Variants in ZNF804B observed in about 807,000 individuals in gnomAD.
The protein encoded by ZNF804B is zinc finger protein 804B.
Under a neutral mutation model 101.4 loss-of-function variants are expected in ZNF804B, and 80 were observed. The observed-to-expected ratio is 0.79, with a 90% CI of 0.66 to 0.95. ZNF804B has a LOEUF of 0.95. Among genes scored for constraint, ZNF804B ranks in the 40% least tolerant of loss-of-function variants. The pLI is 0.00. For synonymous variants in ZNF804B, 622 were observed against 558.8 expected, an observed-to-expected ratio of 1.11 and a Z score of -1.59; for missense variants, 1,673 against 1,561.9, an observed-to-expected ratio of 1.07 and a Z score of -1.20.
At chr7:89,204,213 C>T (rs1788685571) in intron 1 of ZNF804B, among the ~76,000 whole-genome samples, 1 of 152,134 alleles carries the variant, frequency 6.6e-6, no homozygotes, top group African/African-American at 2.4e-5. Context: ...TGCATTTTTA[C>T]AATAAGTAGC....
chr7:88,819,011 A>G (rs1184736313), intron 1 of ZNF804B, among the ~76,000 whole-genome samples: 1 of 152,230 alleles, frequency 6.6e-6, no homozygotes, highest in African/African-American at 2.4e-5. Flanking sequence ...AATTTTCAGA[A>G]AAATACAGAT....
chr7:88,851,189 G>A (rs536057953), intron 1 of ZNF804B, among the ~76,000 whole-genome samples: 1 of 152,182 alleles, frequency 6.6e-6, no homozygotes, highest in South Asian at 2.1e-4. Context: ...TATAAATGAA[G>A]TGCCTGAAGA....
At chr7:89,255,837 A>T (rs1306884166) in intron 2 of ZNF804B, among the ~76,000 whole-genome samples, 1 of 152,156 alleles carries the variant, frequency 6.6e-6, no homozygotes, top group Admixed American at 6.5e-5. Context: ...TAGTATTCAG[A>T]CCATAAATCA....
At position 88,760,094 on chromosome 7, in the gene ZNF804B, G is replaced by A. The variant is rs145065922; in HGVS notation, c.108+10G>A. The A allele has an allele frequency of 1.7e-4, 274 of 1,607,410 alleles. No individual in the cohort carries two copies. In the African/African-American group the frequency reaches 3.0e-3, roughly 17 times the overall value. On this transcript the variant is annotated intron_variant, in intron 1 of 3. Transcript: ENST00000333190. ...CGGATCTCCCTCTCCGGTAATGTGC[G>A]CGCGCACACACATACATACACAAAC...
At chr7:89,265,696 C>T (rs1789782074) in intron 2 of ZNF804B, among the ~76,000 whole-genome samples, 1 of 152,064 alleles carries the variant, frequency 6.6e-6, no homozygotes, top group African/African-American at 2.4e-5. Context: ...AACAATTATT[C>T]AAAAAAATAG....
chr7:89,023,768 G>T, intron 1 of ZNF804B, among the ~76,000 whole-genome samples: 1 of 152,158 alleles, frequency 6.6e-6, no homozygotes, highest in East Asian at 1.9e-4. Flanking sequence ...TTTCATCTCT[G>T]TTCTTGATTC....
intron 1 of ZNF804B, among the ~76,000 whole-genome samples, chr7:88,974,257 T>C (rs1584048205): frequency 6.8e-6 from 1 of 147,154 alleles, no homozygotes; most frequent in East Asian, 2.2e-4. Context: ...TATATGAAAA[T>C]ATATCAGATA....
At chr7:88,863,985 G>A (rs1489934812) in intron 1 of ZNF804B, among the ~76,000 whole-genome samples, 2 of 152,186 alleles carry the variant, frequency 1.3e-5, no homozygotes, top group East Asian at 3.8e-4. Context: ...ACTCTGCTCA[G>A]CAGTTAATTC....
Position 89,336,267 on chromosome 7 carries a change from A to G in ZNF804B, c.3285A>G (p.Gln1095=). Residue 1095 remains glutamine, a synonymous_variant, in exon 4 of 4, where the codon CAA becomes CAG. Coordinates refer to ENST00000333190, the MANE Select transcript of ZNF804B (RefSeq NM_181646.5). ...ATTCAACAGAGACCCAAGAAGACCA[A>G]ATAAATCTAGACTTACAGGATGTAA... ...VTDSTETQED[Q]INLDLQDVSM... 6.2e-7 allele frequency: 1 copy of G among 1,613,888 alleles called. No individual in the cohort carries two copies. Among genetic ancestry groups the G allele is most frequent in the Admixed American group, 1.7e-5 (1 of 59,942 alleles).
At chr7:89,024,952 A>G (rs1788726860) in intron 1 of ZNF804B, among the ~76,000 whole-genome samples, 1 of 152,064 alleles carries the variant, frequency 6.6e-6, no homozygotes, top group Non-Finnish European at 1.5e-5. Flanking sequence ...ATGAGGACAG[A>G]TGAAAGCTTT....
intron 1 of ZNF804B, among the ~76,000 whole-genome samples, chr7:89,060,160 G>A (rs1057102034): frequency 1.3e-5 from 2 of 152,066 alleles, no homozygotes; most frequent in African/African-American, 4.8e-5. Flanking sequence ...CAGATAGCCT[G>A]TCATGGGACT....
intron 1 of ZNF804B, among the ~76,000 whole-genome samples, chr7:88,771,786 T>C (rs949736987): frequency 2.6e-5 from 4 of 152,194 alleles, no homozygotes; most frequent in Non-Finnish European, 5.9e-5. Flanking sequence ...CTGATCATCA[T>C]GTAGATTTAG....
intron 1 of ZNF804B, among the ~76,000 whole-genome samples, chr7:89,199,837 G>T (rs1788604598): frequency 6.7e-6 from 1 of 148,912 alleles, no homozygotes; most frequent in Admixed American, 6.7e-5. Flanking sequence ...CCATATATGT[G>T]TGTGTGTATA....
At chr7:89,310,753 A>G (rs998390152) in intron 2 of ZNF804B, among the ~76,000 whole-genome samples, 4 of 152,230 alleles carry the variant, frequency 2.6e-5, no homozygotes, top group African/African-American at 9.6e-5. Context: ...GAAATACAAG[A>G]CATTGCTCTT....
intron 1 of ZNF804B, among the ~76,000 whole-genome samples, chr7:88,954,195 C>G (rs1054546374): frequency 6.6e-6 from 1 of 151,580 alleles, no homozygotes; most frequent in South Asian, 2.1e-4. Flanking sequence ...TTTAATTTAA[C>G]TGCATTGTTA....
At chr7:89,104,223 A>G (rs933829794) in intron 1 of ZNF804B, among the ~76,000 whole-genome samples, 1 of 151,720 alleles carries the variant, frequency 6.6e-6, no homozygotes, top group African/African-American at 2.4e-5. Context: ...GCCTGATTTT[A>G]CTATTAGGGT....
intron 1 of ZNF804B, among the ~76,000 whole-genome samples, chr7:89,166,873 C>T (rs921560589): frequency 5.3e-5 from 8 of 152,248 alleles, no homozygotes; most frequent in African/African-American, 1.2e-4. Flanking sequence ...GCAGTATGTA[C>T]GTACCACAGT....
intron 1 of ZNF804B, among the ~76,000 whole-genome samples, chr7:89,051,521 A>G (rs1449785039): frequency 6.6e-6 from 1 of 152,100 alleles, no homozygotes. Context: ...TTTACCATTC[A>G]AGCTTCTGAG....
intron 1 of ZNF804B, among the ~76,000 whole-genome samples, chr7:89,056,945 G>A (rs758307380): frequency 1.2e-4 from 19 of 152,080 alleles, no homozygotes; most frequent in Non-Finnish European, 1.9e-4. Flanking sequence ...TAAAGGTTTT[G>A]GAGTGGGCTA....
Sources: allele counts gnomAD v4.1 joint callset (sites outside exome capture counted in the v4.1 genomes callset), GRCh38; gene constraint gnomAD v4.1.1; transcripts MANE v1.5; gene names NCBI Gene and HGNC (gene_info 2026-07-23, HGNC 2026-07-21).